The following THBS3 variants were observed in gnomAD, a reference collection of about 807,000 sequenced individuals.
THBS3 encodes thrombospondin 3.
Under a neutral mutation model 118.3 loss-of-function variants are expected in THBS3, and 78 were observed. The ratio of observed to expected loss-of-function variants is 0.66; its 90% confidence interval spans 0.55 to 0.80. THBS3 has a LOEUF of 0.80. THBS3 is among the 30% of genes least tolerant of loss of function. The pLI is 0.00. For synonymous variants in THBS3, 427 were observed against 475.3 expected (o/e 0.90, Z 1.32); for missense variants, 1,057 against 1,247.4 (o/e 0.85, Z 2.30).
rs765833515 is a variant in THBS3, at chr1:155,197,865, A to G, written c.2302+15T>C. On this transcript the variant is annotated intron_variant, in intron 19 of 22. Transcript: ENST00000368378. The surrounding 1 kb of genome is among the most constrained non-coding windows in gnomAD (Gnocchi z 5.0). ...CTCCATTTGGAAGTGATTGAACTGCATATCCCTTACATACCAACTGCCAAG... is the reference window on the plus strand; with the variant it reads ...CTCCATTTGGAAGTGATTGAACTGCGTATCCCTTACATACCAACTGCCAAG... The G allele has an allele frequency of 2.5e-6, 4 of 1,613,974 alleles. No homozygotes were observed. The highest frequency in any genetic ancestry group is 3.3e-5 in the Admixed American group (2 of 60,004).
In THBS3 at chr1:155,202,316, T is replaced by A; in HGVS notation, c.1043A>T (p.Tyr348Phe). ...CACACCAGACACCTGTGTGCCCTTG[T>A]ACCCTCGAGGACAGGCCTCACAGTG... ...GFHCEACPRG[Y>F]KGTQVSGVGI... Residue 348 changes from tyrosine (Y) to phenylalanine (F), a missense_variant, in exon 9 of 23, where the codon TAC becomes TTC. Physicochemically the swap from Tyr to Phe is conservative, Grantham distance 22 (BLOSUM62 3). Transcript: ENST00000368378. This position sits in a 1 kb window ranked among gnomAD's most constrained non-coding sequence, Gnocchi z 5.5. The A allele has an allele frequency of 6.2e-7, 1 of 1,614,100 alleles. No individual in the cohort carries two copies. Among genetic ancestry groups the A allele is most frequent in the African/African-American group, 1.3e-5 (1 of 75,052 alleles).
intron 2 of THBS3, 122 bp from the exon 3 acceptor site, chr1:155,205,438 G>T: frequency 7.6e-7 from 1 of 1,310,060 alleles, no homozygotes; most frequent in Non-Finnish European, 1.0e-6. Context: ...CTACTATGTG[G>T]CTCTCAACAC....
In THBS3 at chr1:155,195,751, G is replaced by A. The variant is rs890495209; in HGVS notation, c.*90C>T. On this transcript the variant is annotated 3_prime_UTR_variant, in exon 23 of 23. Coordinates refer to ENST00000368378, the MANE Select transcript of THBS3 (RefSeq NM_007112.5). ...CAGAGAAGGGTCTGTGGTTGGCTGA[G>A]GGGCTGTAGCTTAGACCTCAGGGTC... 4.3e-6 allele frequency: 6 copies of A among 1,408,214 alleles called. No individual in the cohort carries two copies. The African/African-American group carries it at 7.1e-5, about 17-fold the overall frequency. The allele number at this position is 1,408,214 out of a possible 1,614,324, so 87.2% of individuals were successfully genotyped here. A position where few individuals can be genotyped will look rare whatever the true frequency, so the allele number is the denominator to read the frequency against.
At chr1:155,196,430 G>T in intron 21 of THBS3, 1 of 425,494 alleles carries the variant, frequency 2.4e-6, no homozygotes, top group South Asian at 3.2e-5. Context: ...CCGCTTCCCA[G>T]GCTCTAGTCC....
intron 1 of THBS3, 53 bp downstream of exon 1, chr1:155,207,745 G>A: frequency 6.3e-7 from 1 of 1,587,792 alleles, no homozygotes. Flanking sequence ...CTTGGGCTGA[G>A]GGCAAATGGG....
intron 2 of THBS3, 122 bp from the exon 3 acceptor site, chr1:155,205,438 G>A: frequency 7.6e-7 from 1 of 1,310,070 alleles, no homozygotes; most frequent in Admixed American, 2.3e-5. Flanking sequence ...CTACTATGTG[G>A]CTCTCAACAC....
chr1:155,197,681 G>T lies in THBS3; in HGVS notation c.2303-22C>A, dbSNP rs776444779. Reference sequence around the variant, plus strand: ...TATCCTGGGGTGGGGGTGGGATAAAGGTCAGGGGCAGCAAAGCTACTGGCG... The same window carrying T: ...TATCCTGGGGTGGGGGTGGGATAAATGTCAGGGGCAGCAAAGCTACTGGCG... On this transcript the variant is annotated intron_variant, in intron 19 of 22. Transcript: ENST00000368378. This position sits in a 1 kb window ranked among gnomAD's most constrained non-coding sequence, Gnocchi z 5.0. 6.2e-6 allele frequency: 10 copies of T among 1,607,290 alleles called. No homozygotes were observed. Among genetic ancestry groups the T allele is most frequent in the Non-Finnish European group, 8.5e-6 (10 of 1,174,474 alleles).
In THBS3 at chr1:155,205,225, G is replaced by C; in HGVS notation, c.378C>G (p.Leu126=). ...GLADGRTHTV[L]LRLRGPSRPS... ...GTCTGGAGGGACCTCGGAGTCGCAG[G>C]AGAACTGTGTGTGTGCGCCCATCAG... The change falls in exon 3 of 23, where the codon CTC becomes CTG. Residue 126 remains leucine (L), a synonymous_variant. Coordinates refer to ENST00000368378, the MANE Select transcript of THBS3 (RefSeq NM_007112.5). The C allele has an allele frequency of 6.2e-7, 1 of 1,614,170 alleles. No homozygotes were observed. Among genetic ancestry groups the C allele is most frequent in the Non-Finnish European group, 8.5e-7 (1 of 1,180,042 alleles).
At chr1:155,209,011 G>C, upstream of THBS3, 1 of 1,589,562 alleles carries the variant, frequency 6.3e-7, no homozygotes, top group Non-Finnish European at 8.5e-7. Flanking sequence ...GCGCCGGGCC[G>C]ACAGCGCTGT....
chr1:155,203,412 C>T, intron 5 of THBS3, 101 bp downstream of exon 5: 2 of 1,588,896 alleles, frequency 1.3e-6, no homozygotes, highest in Non-Finnish European at 1.7e-6. Flanking sequence ...TGCCTTTAAA[C>T]CTACTACATT....
chr1:155,197,526 G>T lies in THBS3; in HGVS notation c.2436C>A (p.Thr812=), dbSNP rs547307091. 4 of 1,614,104 alleles carry T rather than the reference G, an allele frequency of 2.5e-6. No homozygotes were observed. The highest frequency in any genetic ancestry group is 3.4e-6 in the Non-Finnish European group (4 of 1,180,016). Residue 812 remains threonine (T), a synonymous_variant, in exon 20 of 23, where the codon ACC becomes ACA. Coordinates refer to ENST00000368378, the MANE Select transcript of THBS3 (RefSeq NM_007112.5). The surrounding 1 kb of genome is among the most constrained non-coding windows in gnomAD (Gnocchi z 5.0). ...GRFYVVMWKQ[T]EQTYWQATPF... is the part of the protein sequence containing the mutation. Reference sequence around the variant, plus strand: ...GTGTAGCCTGCCAGTAGGTCTGCTCGGTCTGCTTCCACATGACTACGTAGA... The same window carrying T: ...GTGTAGCCTGCCAGTAGGTCTGCTCTGTCTGCTTCCACATGACTACGTAGA...
At chr1:155,203,483 C>T (rs764290293) in intron 5 of THBS3, 30 bp downstream of exon 5, 4 of 1,612,744 alleles carry the variant, frequency 2.5e-6, no homozygotes, top group Non-Finnish European at 3.4e-6. Context: ...CTCCCCGCTC[C>T]CCGCTTCCGC....
Position 155,195,859 on chromosome 1 carries a change from C to A in THBS3, c.2853G>T (p.Leu951=). Residue 951 remains leucine (L), a synonymous_variant, in exon 23 of 23, where the codon CTG becomes CTT. Transcript: ENST00000368378. ...CTCCTCCTCACACCCTTCCCTGGAG[C>A]AGCTGCCTCCGGAATGGCTCAAAGT... ...PEDFEPFRRQ[L]LQGRV 1 of 1,614,040 alleles carries A rather than the reference C, an allele frequency of 6.2e-7. No individual in the cohort carries two copies. Among genetic ancestry groups the A allele is most frequent in the Non-Finnish European group, 8.5e-7 (1 of 1,180,006 alleles).
Position 155,197,330 on chromosome 1 carries a change from C to A in THBS3, c.2500-117G>T. The A allele has an allele frequency of 6.6e-7, 1 of 1,518,990 alleles. No individual in the cohort carries two copies. Among genetic ancestry groups the A allele is most frequent in the Non-Finnish European group, 8.9e-7 (1 of 1,117,616 alleles). 94.1% of individuals were successfully genotyped at this position (1,518,990 alleles called of 1,614,324 possible). On this transcript the variant is annotated intron_variant, in intron 20 of 22. Transcript: ENST00000368378. This position sits in a 1 kb window ranked among gnomAD's most constrained non-coding sequence, Gnocchi z 5.0. ...AGGCGGTCATGAAAATGCCCTGGGGCCCCAGAGAGCCGGCCTCCAAGCCAG... is the reference window on the plus strand; with the variant it reads ...AGGCGGTCATGAAAATGCCCTGGGGACCCAGAGAGCCGGCCTCCAAGCCAG...
chr1:155,208,626 A>T, upstream of THBS3: 1 of 656,900 alleles, frequency 1.5e-6, no homozygotes, highest in Non-Finnish European at 2.5e-6. Context: ...CGTGACCCGG[A>T]TGAAGCAGAG....
Position 155,199,816 on chromosome 1 carries a change from G to A in THBS3, c.1868C>T (p.Thr623Ile). 1 of 1,614,198 alleles carries A rather than the reference G, an allele frequency of 6.2e-7. No homozygotes were observed. The highest frequency in any genetic ancestry group is 8.5e-7 in the Non-Finnish European group (1 of 1,180,018). Residue 623 changes from threonine (T) to isoleucine (I), a missense_variant, in exon 16 of 23, where the codon ACT becomes ATT. Around this residue, in one of 3 missense-constraint regions of THBS3, gnomAD observed 544 missense variants for 715.6 expected, o/e 0.76. Transcript: ENST00000368378. ...DSDLVGDVCDTNEDSDGDGHQ... is the reference protein window; with the variant it reads ...DSDLVGDVCDINEDSDGDGHQ... ...ACCAAGACCTTACCTGTCTTCATTA[G>A]TATCACAGACATCCCCCACCAGGTC...
intron 14 of THBS3, 135 bp from the exon 15 acceptor site, chr1:155,200,248 C>T (rs1669488682): frequency 2.0e-6 from 2 of 1,017,520 alleles, no homozygotes; most frequent in East Asian, 2.4e-5. Context: ...CTTGTCTCAC[C>T]CTCTAGTCCA....
intron 4 of THBS3, among the ~76,000 whole-genome samples, 158 bp from the exon 5 acceptor site, chr1:155,203,697 C>A (rs549699215): frequency 6.6e-6 from 1 of 152,308 alleles, no homozygotes; most frequent in East Asian, 1.9e-4. Flanking sequence ...GGCAGACAAG[C>A]AGTGCCAGCT....
Position 155,200,450 on chromosome 1 carries a change from C to A in THBS3, c.1708+1G>T. The A allele has an allele frequency of 6.2e-7, 1 of 1,613,982 alleles. No homozygotes were observed. The highest frequency in any genetic ancestry group is 8.5e-7 in the Non-Finnish European group (1 of 1,179,858). On this transcript the variant is annotated splice_donor_variant, in intron 14 of 22. Coordinates refer to ENST00000368378, the MANE Select transcript of THBS3 (RefSeq NM_007112.5). LOFTEE classifies it high-confidence loss of function. ...CCACCCCTTCAGCCCCAGGCCTGCA[C>A]CATCCCCATCCACGTCGTTGTCACA...
Sources: gnomAD v4.1 joint callset for allele counts (sites outside exome capture counted in the v4.1 genomes callset) on GRCh38, gnomAD v4.1.1 for gene constraint, gnomAD v4.1.1 regional missense constraint, Gnocchi (gnomAD v3.1) non-coding constraint, MANE v1.5 for transcripts, NCBI Gene and HGNC (gene_info 2026-07-23, HGNC 2026-07-21) for gene names.